The following ANKAR variants were observed in gnomAD, a reference collection of about 807,000 sequenced individuals.
ANKAR encodes ankyrin and armadillo repeat-containing protein.
In ANKAR, 136 loss-of-function variants were observed where a neutral mutation model predicts 146.2. The ratio of observed to expected loss-of-function variants is 0.93; its 90% CI spans 0.81 to 1.07. The LOEUF (loss-of-function observed/expected upper bound fraction) is 1.07. ANKAR is among the 50% of genes least tolerant of loss of function. The pLI is 0.00. For synonymous variants in ANKAR, 500 were observed against 575.8 expected (o/e 0.87, Z 1.88); for missense variants, 1,567 against 1,679.9 (o/e 0.93, Z 1.18).
At chr2:189,696,485 G>A in intron 7 of ANKAR, 116 bp downstream of exon 7, 2 of 960,014 alleles carry the variant, frequency 2.1e-6, no homozygotes, top group Non-Finnish European at 3.0e-6. Context: ...GAGCAAAGTT[G>A]AGGTTTTTGT....
At chr2:189,714,420 C>G (rs917483611) in intron 10 of ANKAR, among the ~76,000 whole-genome samples, 1 of 152,174 alleles carries the variant, frequency 6.6e-6, no homozygotes, top group African/African-American at 2.4e-5. Flanking sequence ...TCTCTCAGAC[C>G]ACAGTGCAAT....
chr2:189,754,005 T>C (rs367604671), intron 18 of ANKAR: 39 of 1,613,740 alleles, frequency 2.4e-5, no homozygotes, highest in Non-Finnish European at 3.2e-5. Flanking sequence ...CATGCCATTG[T>C]GTGCTGTACT....
At chr2:189,686,621 T>C (rs926847454) in intron 2 of ANKAR, among the ~76,000 whole-genome samples, 1 of 152,174 alleles carries the variant, frequency 6.6e-6, no homozygotes, top group African/African-American at 2.4e-5. Context: ...TTGGCCCAAG[T>C]GAGAAGCTGA....
chr2:189,728,298 C>T lies in ANKAR; in HGVS notation c.2909C>T (p.Ala970Val). 1 of 1,611,784 alleles carries T rather than the reference C, an allele frequency of 6.2e-7. No individual in the cohort carries two copies. The highest frequency in any genetic ancestry group is 1.7e-4 in the Middle Eastern group (1 of 6,046). The change falls in exon 14 of 23, where the codon GCT becomes GTT. Residue 970 changes from alanine (A) to valine (V), a missense_variant. Transcript: ENST00000684021. ...CAAATAGATGTTAAGGAACAAGGAG[C>T]TGTTGCACTTTGGGCCTTGGCAGGA... ...AFQIDVKEQG[A>V]VALWALAGQT...
chr2:189,757,987 TGTTGAAGATGGGGCCTG>T (rs2106044310), intron 18 of ANKAR, among the ~76,000 whole-genome samples: 1 of 152,316 alleles, frequency 6.6e-6, no homozygotes, highest in South Asian at 2.1e-4. Flanking sequence ...TAATTCCCAA[TGTTGAAGATGGGGCCTG>T]GTGGGAGATG....
chr2:189,677,188 C>T (rs1029976763), intron 2 of ANKAR, 97 bp downstream of exon 2: 77 of 1,258,504 alleles, frequency 6.1e-5, no homozygotes, highest in Non-Finnish European at 7.2e-5. Context: ...TGAGCTCAAG[C>T]CATTCACCCA....
chr2:189,692,702 A>C (rs1311707802), intron 4 of ANKAR: 1 of 288,138 alleles, frequency 3.5e-6, no homozygotes, highest in Admixed American at 5.2e-5. Flanking sequence ...GTCCCAGAAC[A>C]GGTAACCAAA....
intron 10 of ANKAR, among the ~76,000 whole-genome samples, chr2:189,712,477 CAG>C (rs2039839536): frequency 6.6e-6 from 1 of 152,120 alleles, no homozygotes; most frequent in Admixed American, 6.5e-5. Flanking sequence ...TCTAGGCAAA[CAG>C]GGTCTGGAGT....
Position 189,735,841 on chromosome 2 carries a change from T to C in ANKAR, c.3424-1842T>C, listed in dbSNP as rs187046580. On this transcript the variant is annotated intron_variant, in intron 17 of 22. Transcript: ENST00000684021. ...TAATTTAGTTACTGTTATTCTACTC[T>C]TTTTAATTAACTCAAATATGTGGGC... 5.0e-3 allele frequency among the ~76,000 whole-genome samples: 759 copies of C among 152,374 alleles called. 3 individuals carry two copies. The highest frequency in any genetic ancestry group is 7.4e-3 in the Non-Finnish European group (504 of 68,034).
At position 189,676,943 on chromosome 2, in the gene ANKAR, C is replaced by T. The variant is rs772234071; in HGVS notation, c.453C>T (p.Asp151=). 2 of 1,614,072 alleles carry T rather than the reference C, an allele frequency of 1.2e-6. No homozygotes were observed. The highest frequency in any genetic ancestry group is 1.7e-6 in the Non-Finnish European group (2 of 1,180,016). Reference sequence around the variant, plus strand: ...TTGGGCAAATTCTGATCAATATTGACTACATGCTGAAAGCACTATGGCATG... The same window carrying T: ...TTGGGCAAATTCTGATCAATATTGATTACATGCTGAAAGCACTATGGCATG... The part of the protein sequence containing the change: ...TRIGQILINI[D]YMLKALWHGI... The change falls in exon 2 of 23, where the codon GAC becomes GAT. Residue 151 remains aspartate, a synonymous_variant. Coordinates refer to ENST00000684021, the MANE Select transcript of ANKAR (RefSeq NM_001378068.1).
downstream of ANKAR, chr2:189,746,735 A>G: frequency 8.4e-7 from 1 of 1,185,354 alleles, no homozygotes; most frequent in Admixed American, 3.4e-5. Flanking sequence ...TTTGAATGAA[A>G]GTTCTTGATC....
intron 2 of ANKAR, among the ~76,000 whole-genome samples, chr2:189,686,768 T>C (rs1300507629): frequency 6.6e-6 from 1 of 152,208 alleles, no homozygotes; most frequent in Non-Finnish European, 1.5e-5. Flanking sequence ...ACAATTTTAT[T>C]GGCATTGTTA....
chr2:189,696,710 G>A (rs1202058301), intron 7 of ANKAR, among the ~76,000 whole-genome samples: 1 of 152,146 alleles, frequency 6.6e-6, no homozygotes, highest in Admixed American at 6.5e-5. Context: ...GTTAATGCAT[G>A]GATGGGTGAA....
intron 2 of ANKAR, among the ~76,000 whole-genome samples, chr2:189,687,012 TA>T (rs2035700366): frequency 2.6e-5 from 4 of 152,174 alleles, no homozygotes. Context: ...AAATGTACAA[TA>T]AATTATTGAC....
At chr2:189,750,140 A>T (rs74512005), downstream of ANKAR, among the ~76,000 whole-genome samples, 745 of 152,198 alleles carry the variant, frequency 4.9e-3, 4 homozygotes, top group African/African-American at 0.017. Flanking sequence ...AATAATAATG[A>T]TAAAAAAAAA....
intron 10 of ANKAR, among the ~76,000 whole-genome samples, chr2:189,718,584 T>C (rs192724618): frequency 5.8e-4 from 89 of 152,258 alleles, no homozygotes; most frequent in African/African-American, 1.6e-3. Context: ...CTTAAAGAAG[T>C]CATGAGGGAT....
intron 2 of ANKAR, among the ~76,000 whole-genome samples, chr2:189,688,427 A>T (rs1237730303): frequency 1.3e-5 from 2 of 152,088 alleles, no homozygotes; most frequent in African/African-American, 4.8e-5. Flanking sequence ...GCTCAGGATG[A>T]CTGGCTATTC....
At chr2:189,729,285 G>GT (rs2042175426) in intron 15 of ANKAR, among the ~76,000 whole-genome samples, 1 of 152,178 alleles carries the variant, frequency 6.6e-6, no homozygotes, top group Non-Finnish European at 1.5e-5. Context: ...ATGTGGAACT[G>GT]TCAGTTGTGA....
chr2:189,680,486 T>C (rs1225704055), intron 2 of ANKAR, among the ~76,000 whole-genome samples: 3 of 152,052 alleles, frequency 2.0e-5, no homozygotes, highest in South Asian at 2.1e-4. Flanking sequence ...TTGGTTTGGG[T>C]TTGGTTTGTT....
Sources: gnomAD v4.1 joint callset for allele counts (sites outside exome capture counted in the v4.1 genomes callset) on GRCh38, gnomAD v4.1.1 for gene constraint, MANE v1.5 for transcripts, NCBI Gene and HGNC (gene_info 2026-07-23, HGNC 2026-07-21) for gene names.